Variants in ADGRL3 observed in about 807,000 individuals in gnomAD.
The protein encoded by ADGRL3 is calcium-independent alpha-latrotoxin receptor 3.
In ADGRL3, 62 loss-of-function variants were observed where a neutral mutation model predicts 153.5. The ratio of observed to expected loss-of-function variants is 0.40; its 90% CI spans 0.33 to 0.50. ADGRL3 has a LOEUF of 0.50. ADGRL3 is among the 20% of genes least tolerant of loss of function. The pLI, the probability that ADGRL3 is intolerant of heterozygous loss-of-function variation, is 0.47. For missense variants in ADGRL3, 1,641 were observed against 1,859.4 expected (o/e 0.88, Z 2.16); for synonymous variants, 710 against 672.5 (o/e 1.06, Z -0.86).
chr4:62,035,108 AT>A (rs1405081688), intron 23 of ADGRL3, among the ~76,000 whole-genome samples: 1 of 151,722 alleles, frequency 6.6e-6, no homozygotes, highest in Non-Finnish European at 1.5e-5. Context: ...GGTCCATGTT[AT>A]TTTTTTTCTT....
At chr4:61,513,350 C>A (rs1012351746) in intron 3 of ADGRL3, among the ~76,000 whole-genome samples, 3 of 152,108 alleles carry the variant, frequency 2.0e-5, no homozygotes, top group African/African-American at 7.2e-5. Context: ...CCAATTATAT[C>A]TTCCACAGAT....
At chr4:61,781,668 A>T (rs2097216044) in intron 8 of ADGRL3, among the ~76,000 whole-genome samples, 1 of 152,144 alleles carries the variant, frequency 6.6e-6, no homozygotes, top group African/African-American at 2.4e-5. Flanking sequence ...TTCTATTAGG[A>T]TGTGTGGCAA....
At chr4:61,938,105 G>A (rs1340297548) in intron 15 of ADGRL3, among the ~76,000 whole-genome samples, 2 of 152,012 alleles carry the variant, frequency 1.3e-5, no homozygotes, top group African/African-American at 2.4e-5. Flanking sequence ...TAATTTTGGA[G>A]CAGAGAATAT....
chr4:61,692,737 C>T (rs1029841862), intron 6 of ADGRL3, among the ~76,000 whole-genome samples: 7 of 152,118 alleles, frequency 4.6e-5, no homozygotes, highest in Non-Finnish European at 1.0e-4. Flanking sequence ...CACGCCTGGT[C>T]GTTCTCTTCC....
At chr4:61,717,409 A>T (rs754651833) in intron 6 of ADGRL3, among the ~76,000 whole-genome samples, 1 of 152,170 alleles carries the variant, frequency 6.6e-6, no homozygotes, top group Non-Finnish European at 1.5e-5. Flanking sequence ...CTTCTTGGGA[A>T]ATTATATGCT....
At chr4:61,329,269 T>C (rs145269482) in intron 1 of ADGRL3, among the ~76,000 whole-genome samples, 129 of 152,286 alleles carry the variant, frequency 8.5e-4, no homozygotes, top group African/African-American at 2.9e-3. Flanking sequence ...AAAAAAGATA[T>C]ATTTAGATGG....
intron 5 of ADGRL3, among the ~76,000 whole-genome samples, chr4:61,646,472 G>T (rs922637895): frequency 6.6e-6 from 1 of 151,794 alleles, no homozygotes; most frequent in Non-Finnish European, 1.5e-5. Flanking sequence ...TGGTGTGGAT[G>T]TCCTTTCTGT....
chr4:61,993,883 A>G (rs2099112543), intron 19 of ADGRL3, among the ~76,000 whole-genome samples: 1 of 152,046 alleles, frequency 6.6e-6, no homozygotes, highest in Non-Finnish European at 1.5e-5. Context: ...GTTTCATATG[A>G]CCAAGTTTTT....
intron 8 of ADGRL3, among the ~76,000 whole-genome samples, chr4:61,805,745 A>G (rs1181591467): frequency 6.6e-6 from 1 of 152,178 alleles, no homozygotes; most frequent in Non-Finnish European, 1.5e-5. Context: ...GGAAAAATAA[A>G]CTGAGAAAAG....
At chr4:61,767,633 G>T (rs1482966608) in intron 8 of ADGRL3, among the ~76,000 whole-genome samples, 2 of 152,148 alleles carry the variant, frequency 1.3e-5, no homozygotes, top group African/African-American at 4.8e-5. Flanking sequence ...GGGAGTGGCT[G>T]CCAGGTGAGT....
chr4:61,956,646 G>A (rs2098968005), intron 17 of ADGRL3, among the ~76,000 whole-genome samples: 1 of 152,008 alleles, frequency 6.6e-6, no homozygotes, highest in Admixed American at 6.6e-5. Context: ...CCTAGGTTTG[G>A]TTCTGGGGTT....
chr4:61,220,030 C>T (rs542642697), intron 1 of ADGRL3, among the ~76,000 whole-genome samples: 2 of 151,150 alleles, frequency 1.3e-5, no homozygotes, highest in South Asian at 4.2e-4. Flanking sequence ...ATCGCTTGAA[C>T]CTGGGGGGCG....
intron 1 of ADGRL3, among the ~76,000 whole-genome samples, chr4:61,303,663 C>G (rs145559018): frequency 1.3e-5 from 2 of 152,236 alleles, no homozygotes; most frequent in East Asian, 3.9e-4. Flanking sequence ...CAGGTGGCAT[C>G]ATTAAGTGTC....
In ADGRL3 at chr4:61,200,709, C is replaced by T. The variant is rs1734385830; in HGVS notation, c.-1296C>T. On this transcript the variant is annotated 5_prime_UTR_variant, in exon 1 of 27. Coordinates refer to ENST00000683033, the MANE Select transcript of ADGRL3 (RefSeq NM_001387552.1). Reference sequence around the variant, plus strand: ...TGGCAGGAGCTCGCTCGTGTGTGCGCGTGTGTGAGTGTGCGTGTCTGGAGA... The same window carrying T: ...TGGCAGGAGCTCGCTCGTGTGTGCGTGTGTGTGAGTGTGCGTGTCTGGAGA... 6.6e-6 allele frequency among the ~76,000 whole-genome samples: 1 copy of T among 151,940 alleles called. No homozygotes were observed.
At chr4:61,968,540 AT>A (rs1440605172) in intron 17 of ADGRL3, among the ~76,000 whole-genome samples, 1 of 152,106 alleles carries the variant, frequency 6.6e-6, no homozygotes, top group Non-Finnish European at 1.5e-5. Flanking sequence ...ATTTTAACAT[AT>A]TTTTATGGCC....
intron 5 of ADGRL3, among the ~76,000 whole-genome samples, chr4:61,625,213 G>A (rs2149908564): frequency 6.6e-6 from 1 of 152,122 alleles, no homozygotes; most frequent in African/African-American, 2.4e-5. Context: ...CAGTGTTCAT[G>A]CCACTGAGAT....
At chr4:61,895,982 C>A in intron 11 of ADGRL3, 148 bp downstream of exon 11, 1 of 426,654 alleles carries the variant, frequency 2.3e-6, no homozygotes, top group South Asian at 7.0e-5. Flanking sequence ...ATGTTATGAG[C>A]TAATTCTAGA....
intron 13 of ADGRL3, among the ~76,000 whole-genome samples, chr4:61,927,844 A>C (rs1471347997): frequency 6.6e-6 from 1 of 152,012 alleles, no homozygotes; most frequent in Non-Finnish European, 1.5e-5. Flanking sequence ...GAATTAAAGA[A>C]AATTTTGTTT....
rs1581589245 is a variant in ADGRL3 at position 61,948,109 on chromosome 4, G to A, written c.2638G>A (p.Glu880Lys). 4 of 1,610,710 alleles carry A rather than the reference G, an allele frequency of 2.5e-6. No homozygotes were observed. The highest frequency in any genetic ancestry group is 3.4e-6 in the Non-Finnish European group (4 of 1,177,990). Residue 880 changes from glutamate (E) to lysine (K), a missense_variant, in exon 17 of 27, where the codon GAA becomes AAA. By Grantham distance (56) the Glu-to-Lys change is moderately conservative. This residue lies in a region of ADGRL3 where 734 missense variants were observed against 797.0 expected (regional missense o/e 0.92). Transcript: ENST00000683033. ...TTTTTTTCCCCTGTAGCAGTCAGAG[G>A]AAAATTTCAACCCTAACTGTTCATT... is the stretch of plus-strand genomic sequence containing the variant. Reference protein sequence around the residue: ...FTVKHIKQSEENFNPNCSFWS... With the variant: ...FTVKHIKQSEKNFNPNCSFWS...
Sources: allele counts gnomAD v4.1 joint callset (sites outside exome capture counted in the v4.1 genomes callset), GRCh38; gene constraint gnomAD v4.1.1; regional missense constraint gnomAD v4.1.1; transcripts MANE v1.5; gene names NCBI Gene and HGNC (gene_info 2026-07-23, HGNC 2026-07-21).